Variants in MROH7 observed in about 807,000 individuals in gnomAD.
The protein encoded by MROH7 is maestro heat-like repeat-containing protein family member 7.
Under a neutral mutation model 129.2 loss-of-function variants are expected in MROH7, and 113 were observed. That is an observed-to-expected ratio of 0.87 (90% CI 0.75 to 1.02). The LOEUF is 1.02. MROH7 is among the 50% of genes least tolerant of loss of function. MROH7 has a pLI of 0.00. For synonymous variants in MROH7, 655 were observed against 667.9 expected, an observed-to-expected ratio of 0.98 and a Z score of 0.30; for missense variants, 1,601 against 1,671.3, an observed-to-expected ratio of 0.96 and a Z score of 0.73.
intron 8 of MROH7, 130 bp from the exon 9 acceptor site, chr1:54,673,571 G>A (rs1036980048): frequency 4.3e-6 from 3 of 693,210 alleles, no homozygotes; most frequent in Non-Finnish European, 2.6e-6. Context: ...CCAAGAAGAG[G>A]AGGAGGGCTG....
At chr1:54,655,284 G>C (rs1270910312) in intron 3 of MROH7, among the ~76,000 whole-genome samples, 1 of 151,888 alleles carries the variant, frequency 6.6e-6, no homozygotes, top group Non-Finnish European at 1.5e-5. Context: ...CAAAGTGCTG[G>C]GATTACAGGC....
chr1:54,668,154 A>C (rs902097712), intron 4 of MROH7, among the ~76,000 whole-genome samples: 6 of 152,202 alleles, frequency 3.9e-5, no homozygotes, highest in Admixed American at 2.0e-4. Context: ...TCCAGAGGGA[A>C]AAAGTGGAAG....
Position 54,678,800 on chromosome 1 carries a change from C to T in MROH7, c.1995C>T (p.Phe665=). 6.2e-7 allele frequency: 1 copy of T among 1,614,130 alleles called. No homozygotes were observed. Among genetic ancestry groups the T allele is most frequent in the Non-Finnish European group, 8.5e-7 (1 of 1,180,024 alleles). The change falls in exon 11 of 24, where the codon TTC becomes TTT. Residue 665 remains phenylalanine, a synonymous_variant. Coordinates refer to ENST00000421030, the MANE Select transcript of MROH7 (RefSeq NM_001039464.4). Reference sequence around the variant, plus strand: ...AGCTATATGAGAGCAACAAGCATTTCCTGGGGCCCTACAACCCTGTGAGCC... The same window carrying T: ...AGCTATATGAGAGCAACAAGCATTTTCTGGGGCCCTACAACCCTGTGAGCC... ...KKELYESNKH[F]LGPYNPVSPC... is the part of the protein sequence containing the mutation.
At position 54,710,008 on chromosome 1, in the gene MROH7, G is replaced by A. The variant is rs1398445178; in HGVS notation, c.3793G>A (p.Asp1265Asn). ...GTGCATCTACGCAGCCCAGGTCCAG[G>A]ACCACATCCTGGCCAGCTGCTGGCA... The part of the protein sequence containing the change: ...SVCIYAAQVQ[D>N]HILASCWQNS... The change falls in exon 24 of 24, where the codon GAC (aspartate) becomes AAC (asparagine). Residue 1265 changes from aspartate (D) to asparagine (N), a missense_variant. Coordinates refer to ENST00000421030, the MANE Select transcript of MROH7 (RefSeq NM_001039464.4). 1 of 1,613,976 alleles carries A rather than the reference G, an allele frequency of 6.2e-7. No individual in the cohort carries two copies. The highest frequency in any genetic ancestry group is 1.3e-5 in the African/African-American group (1 of 74,882).
intron 4 of MROH7, among the ~76,000 whole-genome samples, chr1:54,667,596 C>T (rs1644832896): frequency 6.6e-6 from 1 of 152,006 alleles, no homozygotes; most frequent in Admixed American, 6.6e-5. Flanking sequence ...GCTGGGATTA[C>T]AGGCACATGC....
intron 1 of MROH7, among the ~76,000 whole-genome samples, 188 bp downstream of exon 1, chr1:54,642,156 T>A (rs1199455571): frequency 6.6e-6 from 1 of 151,376 alleles, no homozygotes; most frequent in Non-Finnish European, 1.5e-5. Context: ...TTGTCTTTTT[T>A]CCAAGTCTCC....
chr1:54,678,888 T>C (rs768869865), intron 11 of MROH7, 34 bp downstream of exon 11: 2 of 1,548,084 alleles, frequency 1.3e-6, no homozygotes, highest in East Asian at 4.5e-5. Flanking sequence ...GAGCGGAGGG[T>C]GGGGGGTGAG....
chr1:54,695,538 C>T (rs780059996), intron 17 of MROH7, 48 bp downstream of exon 17: 11 of 1,184,960 alleles, frequency 9.3e-6, no homozygotes, highest in East Asian at 2.4e-5. Context: ...TCCCGGGCCT[C>T]GGTTCACGTC....
intron 5 of MROH7, 84 bp downstream of exon 5, chr1:54,669,021 G>T: frequency 9.8e-7 from 1 of 1,017,272 alleles, no homozygotes; most frequent in South Asian, 1.4e-5. Flanking sequence ...GACCGCAGGG[G>T]TGGGAGGTTG....
chr1:54,669,794 G>A (rs1302902681), intron 5 of MROH7, among the ~76,000 whole-genome samples: 1 of 152,100 alleles, frequency 6.6e-6, no homozygotes, highest in Admixed American at 6.5e-5. Flanking sequence ...GAGGTCAGGA[G>A]TTCGAGACAA....
chr1:54,648,254 A>C (rs1374977822), intron 1 of MROH7, among the ~76,000 whole-genome samples: 1 of 152,096 alleles, frequency 6.6e-6, no homozygotes, highest in Non-Finnish European at 1.5e-5. Flanking sequence ...CCATATAGGC[A>C]TGGATTTATT....
intron 14 of MROH7, among the ~76,000 whole-genome samples, chr1:54,684,087 T>C (rs1645110997): frequency 6.6e-6 from 1 of 152,232 alleles, no homozygotes; most frequent in Admixed American, 6.5e-5. Flanking sequence ...TGGGCTGATT[T>C]ATTTTTTCAA....
rs373560126 is a variant in MROH7 at position 54,682,755 on chromosome 1, C to G, written c.2481C>G (p.Pro827=). The change falls in exon 14 of 24, where the codon CCC becomes CCG. Residue 827 remains proline, a synonymous_variant. Coordinates refer to ENST00000421030, the MANE Select transcript of MROH7 (RefSeq NM_001039464.4). ...TCCTGGGCAGCCTGAAGGAGAAGCC[C>G]GTCACCAAGGAGGGCCGGGCTTCCA... ...DLLLGSLKEK[P]VTKEGRASIV... 2.5e-6 allele frequency: 4 copies of G among 1,613,850 alleles called. No individual in the cohort carries two copies. The highest frequency in any genetic ancestry group is 2.2e-5 in the East Asian group (1 of 44,888).
intron 23 of MROH7, 129 bp downstream of exon 23, chr1:54,709,205 A>G (rs1048977444): frequency 2.3e-6 from 2 of 884,726 alleles, no homozygotes; most frequent in African/African-American, 3.4e-5. Context: ...CAGTTGTACT[A>G]GTTTTTTGTT....
At chr1:54,654,604 C>T (rs947775376) in intron 3 of MROH7, among the ~76,000 whole-genome samples, 8 of 151,974 alleles carry the variant, frequency 5.3e-5, no homozygotes, top group African/African-American at 1.7e-4. Flanking sequence ...ACCTGGGAGG[C>T]AGAGGTTACA....
chr1:54,690,561 A>G (rs1467619972), intron 15 of MROH7, among the ~76,000 whole-genome samples: 3 of 145,376 alleles, frequency 2.1e-5, no homozygotes, highest in Non-Finnish European at 3.0e-5. Flanking sequence ...CTCCTGCCTC[A>G]GCCTCCCGAG....
At chr1:54,644,431 C>G (rs1267879758) in intron 1 of MROH7, among the ~76,000 whole-genome samples, 2 of 151,910 alleles carry the variant, frequency 1.3e-5, no homozygotes, top group Non-Finnish European at 2.9e-5. Flanking sequence ...CAACCTCCAC[C>G]TCCTGGGTTC....
intron 10 of MROH7, among the ~76,000 whole-genome samples, chr1:54,675,704 C>G (rs1203349115): frequency 6.6e-6 from 1 of 151,550 alleles, no homozygotes; most frequent in African/African-American, 2.4e-5. Flanking sequence ...CTCAAGCAAT[C>G]CTCCCACCTC....
chr1:54,700,247 T>A, intron 17 of MROH7, 74 bp from the exon 18 acceptor site: 1 of 1,593,684 alleles, frequency 6.3e-7, no homozygotes, highest in South Asian at 1.1e-5. Context: ...CAATGTGCAA[T>A]CCCAGTGCAT....
Sources: allele counts gnomAD v4.1 joint callset (sites outside exome capture counted in the v4.1 genomes callset), GRCh38; gene constraint gnomAD v4.1.1; transcripts MANE v1.5; gene names NCBI Gene and HGNC (gene_info 2026-07-23, HGNC 2026-07-21).